The following RAB3GAP1 variants were observed in gnomAD, a reference collection of about 807,000 sequenced individuals.
RAB3GAP1 encodes RAB3 GTPase activating protein catalytic subunit 1, also known as rab3 GTPase-activating protein catalytic subunit.
A neutral mutation model predicts 130.7 loss-of-function variants in RAB3GAP1; 86 were observed. The observed-to-expected ratio is 0.66, with a 90% CI of 0.55 to 0.79. The LOEUF (loss-of-function observed/expected upper bound fraction) is 0.79. Among genes scored for constraint, RAB3GAP1 ranks in the 30% least tolerant of loss-of-function variants. The pLI is 0.00. For missense variants in RAB3GAP1, 1,029 were observed against 1,169.4 expected (o/e 0.88, Z 1.75); for synonymous variants, 367 against 401.7 (o/e 0.91, Z 1.03).
intron 18 of RAB3GAP1, among the ~76,000 whole-genome samples, chr2:135,151,442 A>G (rs969786145): frequency 9.2e-5 from 14 of 152,222 alleles, no homozygotes; most frequent in Admixed American, 9.2e-4. Flanking sequence ...CACTCCACAA[A>G]CACCTATGCC....
chr2:135,132,975 T>C lies in RAB3GAP1; in HGVS notation c.1317T>C (p.Ser439=). The part of the protein sequence containing the change: ...STDNNNPPSE[S]EDYNLYNQFK... ...ATAATAATAATCCTCCATCAGAGAG[T>C]GAAGACTATGTAAGTTGATGTGGAG... is the stretch of plus-strand genomic sequence containing the variant. Residue 439 remains serine, a synonymous_variant, in exon 14 of 24, where the codon AGT becomes AGC. Coordinates refer to ENST00000264158, the MANE Select transcript of RAB3GAP1 (RefSeq NM_012233.3). 2 of 1,545,108 alleles carry C rather than the reference T, an allele frequency of 1.3e-6. No individual in the cohort carries two copies. Among genetic ancestry groups the C allele is most frequent in the South Asian group, 1.1e-5 (1 of 89,626 alleles).
intron 4 of RAB3GAP1, 58 bp from the exon 5 acceptor site, chr2:135,093,557 A>G: frequency 3.0e-6 from 4 of 1,312,158 alleles, no homozygotes; most frequent in South Asian, 2.4e-5. Flanking sequence ...AAAGCATGTT[A>G]TAAAACTCTG....
chr2:135,070,908 C>T (rs1336345073), intron 3 of RAB3GAP1, among the ~76,000 whole-genome samples: 1 of 152,102 alleles, frequency 6.6e-6, no homozygotes, highest in East Asian at 1.9e-4. Context: ...TTGTCAGATA[C>T]TCAAAGGAGC....
intron 21 of RAB3GAP1, 35 bp downstream of exon 21, chr2:135,162,886 G>A (rs753376133): frequency 6.3e-7 from 1 of 1,586,596 alleles, no homozygotes; most frequent in Non-Finnish European, 8.7e-7. Context: ...CTTGCCAAGT[G>A]TTCTCCTCAG....
intron 11 of RAB3GAP1, 145 bp downstream of exon 11, chr2:135,126,801 T>G: frequency 1.4e-6 from 1 of 723,070 alleles, no homozygotes; most frequent in Non-Finnish European, 2.5e-6. Flanking sequence ...CAGTGAATCC[T>G]TTTTTGAATA....
At chr2:135,104,571 G>T (rs944490791) in intron 5 of RAB3GAP1, among the ~76,000 whole-genome samples, 22 of 152,172 alleles carry the variant, frequency 1.4e-4, no homozygotes, top group Admixed American at 5.9e-4. Context: ...ACCAAATGGC[G>T]GCCAGGCGTG....
At chr2:135,172,224 G>T (rs1692873769), downstream of RAB3GAP1, among the ~76,000 whole-genome samples, 1 of 151,914 alleles carries the variant, frequency 6.6e-6, no homozygotes, top group Non-Finnish European at 1.5e-5. Context: ...GAGGTCAGGA[G>T]TTCGAGACCA....
chr2:135,124,534 G>A (rs1691294768), intron 9 of RAB3GAP1, among the ~76,000 whole-genome samples: 1 of 152,006 alleles, frequency 6.6e-6, no homozygotes, highest in Non-Finnish European at 1.5e-5. Context: ...GTGTGGTTGC[G>A]CACACCTGTA....
intron 9 of RAB3GAP1, among the ~76,000 whole-genome samples, chr2:135,125,296 C>CAGT (rs1384661771): frequency 9.2e-5 from 14 of 152,304 alleles, no homozygotes; most frequent in African/African-American, 2.9e-4. Context: ...TGAATCAGTA[C>CAGT]AGTAGTACCC....
rs760417273 is a variant in RAB3GAP1 at position 135,168,636 on chromosome 2, C to A, written c.2801C>A (p.Pro934His). Residue 934 changes from proline to histidine, a missense_variant, in exon 24 of 24, where the codon CCT becomes CAT. Pro to His is a moderately conservative substitution (Grantham distance 77). Around this residue, in one of 3 missense-constraint regions of RAB3GAP1, gnomAD observed 146 missense variants for 143.7 expected, o/e 1.02. Transcript: ENST00000264158. ...RQNSVSDFPPPAGREFILRTT... is the reference protein window; with the variant it reads ...RQNSVSDFPPHAGREFILRTT... ...AACTCCGTGTCAGACTTCCCACCCC[C>A]TGCTGGCCGGGAATTCATTTTGCGC... The A allele has an allele frequency of 3.1e-6, 5 of 1,614,220 alleles. No individual in the cohort carries two copies. In the East Asian group the frequency reaches 6.7e-5, roughly 22 times the overall value.
At chr2:135,137,310 C>A in intron 17 of RAB3GAP1, 1 of 235,706 alleles carries the variant, frequency 4.2e-6, no homozygotes, top group Non-Finnish European at 8.6e-6. Flanking sequence ...AGTATGATCG[C>A]TTAGGGTGTC....
chr2:135,171,993 G>A (rs1573628320), downstream of RAB3GAP1, among the ~76,000 whole-genome samples: 1 of 152,302 alleles, frequency 6.6e-6, no homozygotes, highest in African/African-American at 2.4e-5. Flanking sequence ...GAAGGGGAGT[G>A]AGGGGAAGAG....
At chr2:135,144,300 C>T (rs555507788) in intron 17 of RAB3GAP1, among the ~76,000 whole-genome samples, 44 of 151,882 alleles carry the variant, frequency 2.9e-4, no homozygotes, top group Non-Finnish European at 4.9e-4. Flanking sequence ...AAAGGGGCTG[C>T]GAGGGTGGTC....
At chr2:135,165,907 C>T (rs770920399) in intron 23 of RAB3GAP1, among the ~76,000 whole-genome samples, 26 of 152,066 alleles carry the variant, frequency 1.7e-4, no homozygotes, top group Non-Finnish European at 2.8e-4. Flanking sequence ...TGGCTGGGTG[C>T]GGTGGCTCAC....
intron 3 of RAB3GAP1, among the ~76,000 whole-genome samples, chr2:135,059,292 G>A (rs895003408): frequency 1.1e-4 from 16 of 152,134 alleles, no homozygotes; most frequent in African/African-American, 3.6e-4. Flanking sequence ...GATATAGCTA[G>A]AATAGGAAAT....
At chr2:135,124,322 C>A in intron 9 of RAB3GAP1, 76 bp downstream of exon 9, 1 of 1,352,728 alleles carries the variant, frequency 7.4e-7, no homozygotes, top group Non-Finnish European at 1.1e-6. Flanking sequence ...TTTCACTGTG[C>A]TTTATGATGC....
At chr2:135,166,442 A>G (rs924871806) in intron 23 of RAB3GAP1, among the ~76,000 whole-genome samples, 5 of 152,132 alleles carry the variant, frequency 3.3e-5, no homozygotes, top group Non-Finnish European at 7.4e-5. Context: ...TTGAACTCCT[A>G]GGTTTAAGCA....
At chr2:135,125,110 A>G (rs778178522) in intron 9 of RAB3GAP1, among the ~76,000 whole-genome samples, 8 of 152,168 alleles carry the variant, frequency 5.3e-5, no homozygotes, top group African/African-American at 1.9e-4. Flanking sequence ...CTTAGCCATC[A>G]TTTCCCCTTA....
At chr2:135,164,220 T>C (rs1279533322) in intron 22 of RAB3GAP1, among the ~76,000 whole-genome samples, 1 of 152,218 alleles carries the variant, frequency 6.6e-6, no homozygotes, top group African/African-American at 2.4e-5. Flanking sequence ...AAAACAAATA[T>C]GGATCATTGC....
Sources: gnomAD v4.1 joint callset for allele counts (sites outside exome capture counted in the v4.1 genomes callset) on GRCh38, gnomAD v4.1.1 for gene constraint, gnomAD v4.1.1 regional missense constraint, MANE v1.5 for transcripts, NCBI Gene and HGNC (gene_info 2026-07-23, HGNC 2026-07-21) for gene names.